The following KALRN variants were observed in gnomAD, a reference collection of about 807,000 sequenced individuals.
KALRN encodes kalirin RhoGEF kinase, also known as kalirin.
In KALRN, 70 loss-of-function variants were observed where a neutral mutation model predicts 353.7. The ratio of observed to expected loss-of-function variants is 0.20; its 90% CI spans 0.16 to 0.24. The LOEUF is 0.24. Ranked by LOEUF, KALRN falls within the 10% of genes least tolerant of loss-of-function variation. KALRN has a pLI of 1.00. For missense variants in KALRN, 2,791 were observed against 3,756.7 expected, an observed-to-expected ratio of 0.74 and a Z score of 6.72; for synonymous variants, 1,391 against 1,434.8, an observed-to-expected ratio of 0.97 and a Z score of 0.69.
chr3:124,662,738 A>G (rs1215115932), intron 45 of KALRN, among the ~76,000 whole-genome samples: 1 of 152,244 alleles, frequency 6.6e-6, no homozygotes, highest in Admixed American at 6.5e-5. Flanking sequence ...GCCAAAACAA[A>G]GTACCATAAA....
intron 5 of KALRN, among the ~76,000 whole-genome samples, chr3:124,295,891 C>T (rs980920451): frequency 2.0e-5 from 3 of 152,074 alleles, no homozygotes; most frequent in Admixed American, 1.3e-4. Context: ...AAATAAAAGC[C>T]CTGAACAAAT....
intron 34 of KALRN, among the ~76,000 whole-genome samples, chr3:124,601,352 C>T (rs1017137409): frequency 9.9e-5 from 15 of 152,170 alleles, no homozygotes; most frequent in African/African-American, 3.4e-4. Flanking sequence ...TTAAATGAGC[C>T]ATTATGTAGG....
intron 3 of KALRN, among the ~76,000 whole-genome samples, chr3:124,256,325 C>T (rs1002332487): frequency 6.6e-6 from 1 of 152,156 alleles, no homozygotes; most frequent in Admixed American, 6.5e-5. Context: ...CTAATTGCCC[C>T]CTGCCCCTGA....
At chr3:124,207,611 A>T (rs1560232303) in intron 1 of KALRN, among the ~76,000 whole-genome samples, 1 of 152,152 alleles carries the variant, frequency 6.6e-6, no homozygotes, top group Non-Finnish European at 1.5e-5. Context: ...TTGGAATAGG[A>T]TAGACCCATA....
chr3:124,531,458 G>A (rs531012948), intron 33 of KALRN, among the ~76,000 whole-genome samples: 13 of 152,240 alleles, frequency 8.5e-5, no homozygotes, highest in African/African-American at 3.1e-4. Flanking sequence ...TGTTAATCTT[G>A]GTATTAGTCC....
In KALRN at chr3:124,413,592, G is replaced by T; in HGVS notation, c.2469G>T (p.Met823Ile). ...GCCACACAGAACGGAAGCTAGCCATGAACAACATGACCTTTGAGGTTATCC... is the reference window on the plus strand; with the variant it reads ...GCCACACAGAACGGAAGCTAGCCATTAACAACATGACCTTTGAGGTTATCC... ...LQRHTERKLA[M>I]NNMTFEVIQQ... Residue 823 changes from methionine (M) to isoleucine (I), a missense_variant, in exon 14 of 60, where the codon ATG becomes ATT. By Grantham distance (10) the Met-to-Ile change is conservative. Around this residue, in one of 11 missense-constraint regions of KALRN, gnomAD observed 452 missense variants for 575.8 expected, o/e 0.78. Transcript: ENST00000682506. 6.2e-7 allele frequency: 1 copy of T among 1,614,096 alleles called. No individual in the cohort carries two copies. Among genetic ancestry groups the T allele is most frequent in the Non-Finnish European group, 8.5e-7 (1 of 1,180,018 alleles).
chr3:124,607,246 C>T (rs908874442), intron 34 of KALRN, among the ~76,000 whole-genome samples: 1 of 152,208 alleles, frequency 6.6e-6, no homozygotes, highest in Non-Finnish European at 1.5e-5. Context: ...AAGATCCAAA[C>T]ATAGGAAGAT....
chr3:124,057,364 A>G (rs1031978259), intron 1 of KALRN, among the ~76,000 whole-genome samples: 2 of 152,170 alleles, frequency 1.3e-5, no homozygotes, highest in Non-Finnish European at 2.9e-5. Flanking sequence ...TAGAATGATC[A>G]AGAGTCAGAA....
chr3:124,580,180 G>T (rs187212538), intron 34 of KALRN, among the ~76,000 whole-genome samples: 1 of 152,366 alleles, frequency 6.6e-6, no homozygotes, highest in East Asian at 1.9e-4. Context: ...TGGGAATGGA[G>T]CCTAATAATC....
At chr3:124,141,892 A>G (rs2066669150) in intron 1 of KALRN, among the ~76,000 whole-genome samples, 1 of 152,164 alleles carries the variant, frequency 6.6e-6, no homozygotes, top group African/African-American at 2.4e-5. Context: ...GCCAGTGGGA[A>G]GTGCTCAGGC....
At chr3:124,352,301 G>C (rs1016525057) in intron 10 of KALRN, among the ~76,000 whole-genome samples, 1 of 152,136 alleles carries the variant, frequency 6.6e-6, no homozygotes, top group East Asian at 1.9e-4. Context: ...ATGTAGTACT[G>C]TTATATTGTC....
chr3:124,712,919 C>T lies in KALRN; in HGVS notation c.8076-16C>T. 6.3e-7 allele frequency: 1 copy of T among 1,587,318 alleles called. No homozygotes were observed. Among genetic ancestry groups the T allele is most frequent in the Non-Finnish European group, 8.6e-7 (1 of 1,158,874 alleles). On this transcript the variant is annotated splice_polypyrimidine_tract_variant and intron_variant, in intron 57 of 59. Transcript: ENST00000682506. ...AATTAATGAATGTTGGCAAACTCTC[C>T]CTTTTGTTTTTCCAGAGGCCGTTTC...
chr3:124,270,824 G>GTTTTTTTTTTTTTTT (rs777615656), intron 5 of KALRN, among the ~76,000 whole-genome samples: 9 of 78,650 alleles, frequency 1.1e-4, no homozygotes, highest in Non-Finnish European at 1.9e-4. Context: ...TTTTTGTTTT[G>GTTTTTTTTTTTTTTT]TTTTTTTTTT....
chr3:124,321,009 T>C (rs2079281495), intron 6 of KALRN, among the ~76,000 whole-genome samples: 1 of 152,234 alleles, frequency 6.6e-6, no homozygotes, highest in African/African-American at 2.4e-5. Context: ...GATTTTTCTT[T>C]TTGTTGTACT....
At chr3:124,043,877 G>A (rs1005981021) in intron 1 of KALRN, among the ~76,000 whole-genome samples, 4 of 152,120 alleles carry the variant, frequency 2.6e-5, no homozygotes, top group Admixed American at 1.3e-4. Context: ...AAAGGCAAGC[G>A]GGGAAAGAAG....
chr3:124,122,590 T>G (rs192968914), intron 1 of KALRN, among the ~76,000 whole-genome samples: 70 of 152,336 alleles, frequency 4.6e-4, no homozygotes, highest in African/African-American at 1.6e-3. Context: ...GTTTCATTAT[T>G]ATTATATCTA....
At chr3:124,123,445 T>A (rs567203404) in intron 1 of KALRN, among the ~76,000 whole-genome samples, 18 of 152,338 alleles carry the variant, frequency 1.2e-4, no homozygotes, top group Non-Finnish European at 2.4e-4. Flanking sequence ...TCTTCAATTC[T>A]ATGAAAGGTG....
At chr3:124,067,922 C>T (rs2042509491) in intron 1 of KALRN, among the ~76,000 whole-genome samples, 1 of 152,196 alleles carries the variant, frequency 6.6e-6, no homozygotes, top group East Asian at 1.9e-4. Context: ...AGTCTTGTAA[C>T]CACCCAGCTG....
chr3:124,530,128 T>C (rs74677891), intron 33 of KALRN, among the ~76,000 whole-genome samples: 4,242 of 152,310 alleles, frequency 0.028, 120 homozygotes, highest in Admixed American at 0.071. Context: ...AATTCCCTGG[T>C]AGCAAGTGAA....
Sources: allele counts gnomAD v4.1 joint callset (sites outside exome capture counted in the v4.1 genomes callset), GRCh38; gene constraint gnomAD v4.1.1; regional missense constraint gnomAD v4.1.1; transcripts MANE v1.5; gene names NCBI Gene and HGNC (gene_info 2026-07-23, HGNC 2026-07-21).